The following CNTNAP2 variants were observed in gnomAD, a reference collection of about 807,000 sequenced individuals.
The protein encoded by CNTNAP2 is contactin associated protein 2.
Under a neutral mutation model 155.2 loss-of-function variants are expected in CNTNAP2, and 98 were observed. The observed-to-expected ratio is 0.63, with a 90% CI of 0.54 to 0.75. The LOEUF (loss-of-function observed/expected upper bound fraction) is 0.75, where lower values mean the gene tolerates loss of function less well. Among genes scored for constraint, CNTNAP2 ranks in the 30% least tolerant of loss-of-function variants. The pLI, the probability that CNTNAP2 is intolerant of heterozygous loss-of-function variation, is 0.00. For synonymous variants in CNTNAP2, 651 were observed against 631.2 expected (o/e 1.03, Z -0.47); for missense variants, 1,727 against 1,688.1 (o/e 1.02, Z -0.40).
At chr7:147,083,845 TTA>T (rs1401856489) in intron 4 of CNTNAP2, among the ~76,000 whole-genome samples, 1 of 141,146 alleles carries the variant, frequency 7.1e-6, no homozygotes, top group Non-Finnish European at 1.5e-5. Context: ...TATGTACATA[TTA>T]TATACATATA....
At chr7:148,042,239 C>T (rs1410093326) in intron 15 of CNTNAP2, among the ~76,000 whole-genome samples, 1 of 152,214 alleles carries the variant, frequency 6.6e-6, no homozygotes, top group Non-Finnish European at 1.5e-5. Context: ...AGTAGAGTCA[C>T]GTTTACGTGC....
chr7:146,991,631 A>G lies in CNTNAP2; in HGVS notation c.403-52276A>G, dbSNP rs185262917. On this transcript the variant is annotated intron_variant, in intron 3 of 23. Transcript: ENST00000361727. ...GTGGATTTACAAATTCTGGGCATAC[A>G]TAAGCCTCTCTGATGACTTAGCTAA... is the stretch of plus-strand genomic sequence containing the variant. Among the ~76,000 whole-genome samples, 25 of 152,336 alleles carry G rather than the reference A, an allele frequency of 1.6e-4. No homozygotes were observed. In the East Asian group the frequency reaches 4.6e-3, roughly 28 times the overall value.
chr7:147,848,204 C>T (rs1194557482), intron 13 of CNTNAP2, among the ~76,000 whole-genome samples: 9 of 143,120 alleles, frequency 6.3e-5, no homozygotes, highest in Admixed American at 1.5e-4. Context: ...GCCTCGTTGC[C>T]GCCTTGCAGT....
At chr7:147,187,777 TA>T in intron 8 of CNTNAP2, among the ~76,000 whole-genome samples, 1 of 152,080 alleles carries the variant, frequency 6.6e-6, no homozygotes, top group Admixed American at 6.5e-5. Context: ...ATACATAAAA[TA>T]AAGAGTTATG....
intron 2 of CNTNAP2, among the ~76,000 whole-genome samples, chr7:146,804,374 T>A (rs542885493): frequency 1.3e-5 from 2 of 152,326 alleles, no homozygotes; most frequent in South Asian, 4.1e-4. Flanking sequence ...ATTTAAAACC[T>A]ACAAATATTT....
chr7:148,068,080 G>A (rs936872945), intron 15 of CNTNAP2, among the ~76,000 whole-genome samples: 17 of 152,106 alleles, frequency 1.1e-4, no homozygotes, highest in African/African-American at 3.9e-4. Context: ...CCTCCCAGCT[G>A]AGAAAGCAAG....
At chr7:147,068,122 C>G (rs1026301528) in intron 4 of CNTNAP2, among the ~76,000 whole-genome samples, 1 of 152,124 alleles carries the variant, frequency 6.6e-6, no homozygotes, top group African/African-American at 2.4e-5. Context: ...TGCTACAAAT[C>G]TCAAATCTCT....
At chr7:147,748,739 T>G (rs1364546491) in intron 13 of CNTNAP2, among the ~76,000 whole-genome samples, 1 of 152,186 alleles carries the variant, frequency 6.6e-6, no homozygotes, top group Non-Finnish European at 1.5e-5. Context: ...TGGGCCCATC[T>G]TGGGTCCCAT....
chr7:146,302,557 CA>C (rs1800629552), intron 1 of CNTNAP2, among the ~76,000 whole-genome samples: 1 of 151,970 alleles, frequency 6.6e-6, no homozygotes, highest in Non-Finnish European at 1.5e-5. Context: ...AAAACTGAAG[CA>C]AAAAAGCTAA....
intron 8 of CNTNAP2, among the ~76,000 whole-genome samples, chr7:147,218,792 G>T (rs1256661760): frequency 6.6e-6 from 1 of 152,074 alleles, no homozygotes; most frequent in African/African-American, 2.4e-5. Flanking sequence ...TTTTCTGCCT[G>T]CCATGGTCAT....
At chr7:146,752,212 C>T (rs1419889876) in intron 1 of CNTNAP2, among the ~76,000 whole-genome samples, 1 of 152,132 alleles carries the variant, frequency 6.6e-6, no homozygotes, top group Non-Finnish European at 1.5e-5. Flanking sequence ...CTGTCTTCCA[C>T]AGTGATTGAA....
chr7:148,084,674 A>G (rs74644066), intron 15 of CNTNAP2, among the ~76,000 whole-genome samples: 4,200 of 152,312 alleles, frequency 0.028, 89 homozygotes, highest in Non-Finnish European at 0.039. Flanking sequence ...TCACTGCAAT[A>G]ACAATTTAAT....
At chr7:147,323,590 G>A (rs1432716386) in intron 9 of CNTNAP2, among the ~76,000 whole-genome samples, 1 of 151,630 alleles carries the variant, frequency 6.6e-6, no homozygotes, top group Non-Finnish European at 1.5e-5. Flanking sequence ...ATGTCTATTA[G>A]GTCCGCTTGG....
intron 2 of CNTNAP2, among the ~76,000 whole-genome samples, chr7:146,805,884 C>A (rs1448602723): frequency 6.6e-6 from 1 of 152,094 alleles, no homozygotes; most frequent in Non-Finnish European, 1.5e-5. Context: ...ATAATAAAGA[C>A]CAGAAGTCAA....
At position 148,024,173 on chromosome 7, in the gene CNTNAP2, A is replaced by AAAAAAAAAAAC. The variant is rs796940228; in HGVS notation, c.2383+46190_2383+46191insAAAACAAAAAA. Among the ~76,000 whole-genome samples, 377 of 147,902 alleles carry AAAAAAAAAAAC rather than the reference A, an allele frequency of 2.5e-3. 2 individuals carry two copies. Among genetic ancestry groups the AAAAAAAAAAAC allele is most frequent in the Non-Finnish European group, 3.5e-3 (232 of 67,090 alleles). ...TTTAAAGTGTAAAAAAAAAAAAAAA[A>AAAAAAAAAAAC]AAAAAACTTTATAACATCCTGAGAA... On this transcript the variant is annotated intron_variant, in intron 15 of 23. Coordinates refer to ENST00000361727, the MANE Select transcript of CNTNAP2 (RefSeq NM_014141.6).
At chr7:148,349,466 A>G (rs1269824439) in intron 21 of CNTNAP2, among the ~76,000 whole-genome samples, 10 of 140,658 alleles carry the variant, frequency 7.1e-5, no homozygotes, top group Non-Finnish European at 1.2e-4. Flanking sequence ...CAGTGGCGCT[A>G]TCTCGGCTCA....
At chr7:147,262,289 C>G (rs900529682) in intron 8 of CNTNAP2, among the ~76,000 whole-genome samples, 1 of 152,188 alleles carries the variant, frequency 6.6e-6, no homozygotes, top group Non-Finnish European at 1.5e-5. Flanking sequence ...TGAAAGAGAA[C>G]TAAATACATA....
In CNTNAP2 at chr7:146,121,119, C is replaced by CTTTTTTTTTT. The variant is rs745449281; in HGVS notation, c.97+4164_97+4173dup. ...TGTCTTAAAGTTTACATAAAGCTTCCTTTTTTTTTTTTTTTTTTTTTTTTT... is the reference window on the plus strand; with the variant it reads ...TGTCTTAAAGTTTACATAAAGCTTCCTTTTTTTTTTTTTTTTTTTTTTTTTTTTTTTTTTT... On this transcript the variant is annotated intron_variant, in intron 1 of 23. Transcript: ENST00000361727. Among the ~76,000 whole-genome samples, 422 of 65,790 alleles carry CTTTTTTTTTT rather than the reference C, an allele frequency of 6.4e-3. 27 individuals are homozygous for CTTTTTTTTTT. Among genetic ancestry groups the CTTTTTTTTTT allele is most frequent in the Non-Finnish European group, 8.9e-3 (310 of 34,822 alleles). 43.2% of individuals were successfully genotyped at this position (65,790 alleles called of 152,430 possible). A position where few individuals can be genotyped will look rare whatever the true frequency, so the allele number is the denominator to read the frequency against.
intron 3 of CNTNAP2, among the ~76,000 whole-genome samples, chr7:147,013,081 A>G (rs1392805594): frequency 6.6e-6 from 1 of 152,160 alleles, no homozygotes; most frequent in East Asian, 1.9e-4. Flanking sequence ...AAAATAATTC[A>G]ATGTGTTTTC....
Sources: gnomAD v4.1 joint callset for allele counts (sites outside exome capture counted in the v4.1 genomes callset) on GRCh38, gnomAD v4.1.1 for gene constraint, MANE v1.5 for transcripts, NCBI Gene and HGNC (gene_info 2026-07-23, HGNC 2026-07-21) for gene names.